Variants in EVC2 observed in about 807,000 individuals in gnomAD.
The protein encoded by EVC2 is limbin.
In EVC2, 148 loss-of-function variants were observed where a neutral mutation model predicts 149.3. The observed-to-expected ratio is 0.99, with a 90% CI of 0.87 to 1.14. The LOEUF is 1.14. EVC2 is among the 50% of genes most tolerant of loss of function. The probability of loss-of-function intolerance (pLI) is 0.00; values close to 1 mark genes in which losing one functional copy is unlikely to be tolerated. For synonymous variants in EVC2, 776 were observed against 649.9 expected (o/e 1.19, Z -2.95); for missense variants, 1,854 against 1,627.3 (o/e 1.14, Z -2.40).
rs1722209440 is a variant in EVC2, at chr4:5,565,328, C to T, written c.3589G>A (p.Gly1197Ser). The change falls in exon 21 of 22, where the codon GGC becomes AGC. Residue 1197 changes from glycine (G) to serine (S), a missense_variant. Gly to Ser is a moderately conservative substitution (Grantham distance 56). Transcript: ENST00000344408. ...KHQSWWQALD[G>S]KLRGDLISRG... The stretch of plus-strand genomic sequence containing the variant: ...CTTATCAGATCTCCTCGCAGTTTGC[C>T]ATCTAAGGCTTGCCACCAGCTCTGG... The T allele has an allele frequency of 6.2e-7, 1 of 1,613,974 alleles. No individual in the cohort carries two copies. Among genetic ancestry groups the T allele is most frequent in the Admixed American group, 1.7e-5 (1 of 59,996 alleles).
At chr4:5,626,654 G>T (rs1455092821) in intron 12 of EVC2, among the ~76,000 whole-genome samples, 1 of 152,104 alleles carries the variant, frequency 6.6e-6, no homozygotes, top group Non-Finnish European at 1.5e-5. Context: ...TTTTGGGTGT[G>T]CCTGTGAGGG....
intron 21 of EVC2, among the ~76,000 whole-genome samples, chr4:5,546,693 T>G (rs571918586): frequency 1.5e-4 from 23 of 151,870 alleles, no homozygotes; most frequent in Admixed American, 9.8e-4. Flanking sequence ...TGTGCACATG[T>G]ACCCTAAAAC....
At chr4:5,593,967 G>C (rs573165336) in intron 16 of EVC2, among the ~76,000 whole-genome samples, 10 of 152,230 alleles carry the variant, frequency 6.6e-5, no homozygotes, top group African/African-American at 1.9e-4. Flanking sequence ...CTCGCTGATT[G>C]CTAGCACGGC....
rs1006189961 is a variant in EVC2 at position 5,614,252 on chromosome 4, T to A, written c.2829+1170A>T. 7.2e-5 allele frequency among the ~76,000 whole-genome samples: 11 copies of A among 152,196 alleles called. No individual in the cohort carries two copies. Among genetic ancestry groups the A allele is most frequent in the African/African-American group, 2.4e-4 (10 of 41,434 alleles). On this transcript the variant is annotated intron_variant, in intron 16 of 21. Coordinates refer to ENST00000344408, the MANE Select transcript of EVC2 (RefSeq NM_147127.5). This position sits in a 1 kb window ranked among gnomAD's most constrained non-coding sequence, Gnocchi z 4.7. ...AGGTCACATTATCTAATTTCTTTCCTTAATAGCACTGATGACAGTCTATCA... is the reference window on the plus strand; with the variant it reads ...AGGTCACATTATCTAATTTCTTTCCATAATAGCACTGATGACAGTCTATCA...
At chr4:5,595,622 T>C (rs1239381658) in intron 16 of EVC2, among the ~76,000 whole-genome samples, 2 of 152,084 alleles carry the variant, frequency 1.3e-5, no homozygotes, top group Non-Finnish European at 1.5e-5. Context: ...TCAAGCCAAA[T>C]TGTAAAGACC....
intron 20 of EVC2, 50 bp downstream of exon 20, chr4:5,568,394 C>G: frequency 6.6e-7 from 1 of 1,526,638 alleles, no homozygotes. Flanking sequence ...TCATGGGGAC[C>G]CTTGTGGACA....
In EVC2 at chr4:5,694,441, G is replaced by C. The variant is rs372223990; in HGVS notation, c.344C>G (p.Thr115Ser). Reference protein sequence around the residue: ...KKMEVFIPLSTSAASSGPWAH... With the variant: ...KKMEVFIPLSSSAASSGPWAH... Reference sequence around the variant, plus strand: ...CCATGGCCCACTAGAGGCTGCAGAAGTTGAGAGTGGGATGAAGACTTCCAT... The same window carrying C: ...CCATGGCCCACTAGAGGCTGCAGAACTTGAGAGTGGGATGAAGACTTCCAT... The change falls in exon 3 of 22, where the codon ACT becomes AGT. Residue 115 changes from threonine (T) to serine (S), a missense_variant. By Grantham distance (58) the Thr-to-Ser change is moderately conservative (BLOSUM62 1). Transcript: ENST00000344408. 27 of 1,614,122 alleles carry C rather than the reference G, an allele frequency of 1.7e-5. No homozygotes were observed. In the African/African-American group the frequency reaches 3.5e-4, roughly 21 times the overall value.
In EVC2 at chr4:5,708,385, G is replaced by A. The variant is rs985034372; in HGVS notation, c.129C>T (p.Gly43=). 20 of 1,494,746 alleles carry A rather than the reference G, an allele frequency of 1.3e-5. No individual in the cohort carries two copies. The Admixed American group carries it at 3.0e-4, about 23-fold the overall frequency. 92.6% of individuals were successfully genotyped at this position (1,494,746 alleles called of 1,614,324 possible). ...CCTGGGGATCCCGGGGTGGCTGCGC[G>A]CCGAGGGGGCGCCAGCGGGGACGTG... ...ASSRPRWRPL[G]AQPPRDPQVA... is the part of the protein sequence containing the mutation. Residue 43 remains glycine, a synonymous_variant, in exon 1 of 22, where the codon GGC becomes GGT. Coordinates refer to ENST00000344408, the MANE Select transcript of EVC2 (RefSeq NM_147127.5).
intron 21 of EVC2, among the ~76,000 whole-genome samples, chr4:5,554,092 C>T (rs533404687): frequency 2.0e-5 from 3 of 152,284 alleles, no homozygotes; most frequent in African/African-American, 7.2e-5. Flanking sequence ...ACGCCACTTC[C>T]AGTTTCAGTC....
rs1715445567 is a variant in EVC2 at position 5,618,581 on chromosome 4, A to G, written c.2603T>C (p.Leu868Pro). The G allele has an allele frequency of 6.2e-7, 1 of 1,613,840 alleles. No homozygotes were observed. The highest frequency in any genetic ancestry group is 1.7e-5 in the Admixed American group (1 of 59,980). ...CFAQMDRSLALPKIRARVLLQ... is the reference protein window; with the variant it reads ...CFAQMDRSLAPPKIRARVLLQ... ...CAGAACTCGGGCCCGGATCTTGGGG[A>G]GGGCCAAGCTCCTGTCCATCTGAGC... The change falls in exon 15 of 22, where the codon CTC (leucine) becomes CCC (proline). Residue 868 changes from leucine to proline, a missense_variant. By Grantham distance (98) the Leu-to-Pro change is moderately conservative. Transcript: ENST00000344408. The surrounding 1 kb of genome is among the most constrained non-coding windows in gnomAD (Gnocchi z 4.4).
downstream of EVC2, among the ~76,000 whole-genome samples, chr4:5,540,411 A>C: frequency 6.6e-6 from 1 of 152,250 alleles, no homozygotes; most frequent in East Asian, 1.9e-4. Flanking sequence ...TAATGGCTGC[A>C]ACCTAGACCG....
intron 21 of EVC2, among the ~76,000 whole-genome samples, chr4:5,555,570 C>T (rs950021594): frequency 6.6e-6 from 1 of 152,104 alleles, no homozygotes; most frequent in Admixed American, 6.5e-5. Flanking sequence ...GAAGGGAATA[C>T]ATATGGTAAA....
chr4:5,631,667 G>C, intron 11 of EVC2, 126 bp downstream of exon 11: 1 of 1,316,530 alleles, frequency 7.6e-7, no homozygotes, highest in Non-Finnish European at 1.0e-6. Flanking sequence ...CACACCAAGA[G>C]ATAGAAGAGA....
the EVC2 span, among the ~76,000 whole-genome samples, chr4:5,530,502 G>T: frequency 6.6e-6 from 1 of 150,550 alleles, no homozygotes; most frequent in African/African-American, 2.4e-5. Context: ...ACTAACATAT[G>T]AATCTCCTCA....
At position 5,576,727 on chromosome 4, in the gene EVC2, A is replaced by C. The variant is rs1266396867; in HGVS notation, c.3058-273T>G. On this transcript the variant is annotated intron_variant, in intron 17 of 21. Coordinates refer to ENST00000344408, the MANE Select transcript of EVC2 (RefSeq NM_147127.5). This position sits in a 1 kb window ranked among gnomAD's most constrained non-coding sequence, Gnocchi z 4.5. ...CCAGTCTTCTTTCACCCCTCCGCTT[A>C]AGAAGAAACTCCTTGGTGAAGGGCT... 6.6e-6 allele frequency among the ~76,000 whole-genome samples: 1 copy of C among 152,192 alleles called. No homozygotes were observed. Among genetic ancestry groups the C allele is most frequent in the Non-Finnish European group, 1.5e-5 (1 of 68,024 alleles).
chr4:5,535,597 T>TAGAAAGAG, the EVC2 span, among the ~76,000 whole-genome samples: 1 of 86,014 alleles, frequency 1.2e-5, no homozygotes, highest in Non-Finnish European at 2.2e-5. The surrounding 1 kb of genome is among the most constrained non-coding windows in gnomAD (Gnocchi z 4.7). Flanking sequence ...TGTGCATGCT[T>TAGAAAGAG]AGAAAGAGAG....
At chr4:5,676,160 C>A (rs1226475430) in intron 7 of EVC2, among the ~76,000 whole-genome samples, 1 of 152,130 alleles carries the variant, frequency 6.6e-6, no homozygotes, top group Non-Finnish European at 1.5e-5. Context: ...GAGACCTGCA[C>A]TCAATGTGTG....
In EVC2 at chr4:5,637,318, A is replaced by G. The variant is rs985671164; in HGVS notation, c.1470+3196T>C. 2.0e-5 allele frequency among the ~76,000 whole-genome samples: 3 copies of G among 152,188 alleles called. No individual in the cohort carries two copies. Among genetic ancestry groups the G allele is most frequent in the African/African-American group, 7.2e-5 (3 of 41,460 alleles). Reference sequence around the variant, plus strand: ...CACTGCAGGAGGGGGCAGTGTGCGCAGTGGTTGGGGGCATGCTGCTGGACA... The same window carrying G: ...CACTGCAGGAGGGGGCAGTGTGCGCGGTGGTTGGGGGCATGCTGCTGGACA... On this transcript the variant is annotated intron_variant, in intron 10 of 21. Coordinates refer to ENST00000344408, the MANE Select transcript of EVC2 (RefSeq NM_147127.5). The surrounding 1 kb of genome is among the most constrained non-coding windows in gnomAD (Gnocchi z 4.4).
At chr4:5,706,441 G>GATACATACATAC (rs201821393) in intron 1 of EVC2, among the ~76,000 whole-genome samples, 1 of 44,576 alleles carries the variant, frequency 2.2e-5, no homozygotes, top group Non-Finnish European at 4.5e-5. Context: ...TAGATAGATA[G>GATACATACATAC]ATAGATACAT....
Sources: gnomAD v4.1 joint callset for allele counts (sites outside exome capture counted in the v4.1 genomes callset) on GRCh38, gnomAD v4.1.1 for gene constraint, Gnocchi (gnomAD v3.1) non-coding constraint, MANE v1.5 for transcripts, NCBI Gene and HGNC (gene_info 2026-07-23, HGNC 2026-07-21) for gene names.